C14orf39: variants seen among roughly 807,000 people sequenced by gnomAD.
The protein encoded by C14orf39 is chromosome 14 open reading frame 39, also known as protein SIX6OS1.
A neutral mutation model predicts 85.6 loss-of-function variants in C14orf39; 66 were observed. That is an observed-to-expected ratio of 0.77 (90% CI 0.63 to 0.95). The LOEUF is 0.95. Among genes scored for constraint, C14orf39 ranks in the 40% least tolerant of loss-of-function variants. C14orf39 has a pLI of 0.00. For missense variants in C14orf39, 735 were observed against 663.9 expected (o/e 1.11, Z -1.18); for synonymous variants, 242 against 214.0 (o/e 1.13, Z -1.14).
At chr14:60,482,065 A>G (rs1892665029) in intron 4 of C14orf39, among the ~76,000 whole-genome samples, 1 of 152,198 alleles carries the variant, frequency 6.6e-6, no homozygotes, top group Non-Finnish European at 1.5e-5. Flanking sequence ...TTCACATTTA[A>G]ATCTCATAAC....
chr14:60,462,863 C>G (rs1048046562), intron 11 of C14orf39, among the ~76,000 whole-genome samples: 1 of 152,006 alleles, frequency 6.6e-6, no homozygotes, highest in Non-Finnish European at 1.5e-5. Context: ...TACAATTCTT[C>G]TTTTTCCAGT....
At chr14:60,500,628 G>C (rs1442730954) in intron 1 of C14orf39, among the ~76,000 whole-genome samples, 1 of 152,056 alleles carries the variant, frequency 6.6e-6, no homozygotes, top group East Asian at 1.9e-4. Flanking sequence ...CAAGAAAAAT[G>C]TTCACGAAAT....
At chr14:60,472,199 G>A (rs1421079340) in intron 5 of C14orf39, among the ~76,000 whole-genome samples, 2 of 151,130 alleles carry the variant, frequency 1.3e-5, no homozygotes, top group Non-Finnish European at 2.9e-5. Context: ...ATTTTCATTA[G>A]CTAAAATTAT....
In C14orf39 at chr14:60,515,218, G is replaced by A. The variant is rs1207699956; in HGVS notation, c.-144+177C>T. ...GCTGGGAAATGGCGGCTGGAGCGGC[G>A]GGCGCGTGGGTCCCCTCGGGGAGGC... On this transcript the variant is annotated intron_variant, in intron 1 of 5. Coordinates refer to the C14orf39 transcript ENST00000556799. The surrounding 1 kb of genome is among the most constrained non-coding windows in gnomAD (Gnocchi z 6.2). 6.6e-6 allele frequency: 1 copy of A among 151,522 alleles called. No homozygotes were observed. The highest frequency in any genetic ancestry group is 2.4e-5 in the African/African-American group (1 of 41,386). The allele number at this position is 151,522 out of a possible 1,614,324, so 9.4% of individuals were successfully genotyped here. A position where few individuals can be genotyped will look rare whatever the true frequency, so the allele number is the denominator to read the frequency against.
chr14:60,443,250 G>A (rs948655725), intron 16 of C14orf39, among the ~76,000 whole-genome samples: 3 of 152,314 alleles, frequency 2.0e-5, no homozygotes, highest in Admixed American at 2.0e-4. Context: ...ATGGGGTTGG[G>A]GGATTTCCCT....
intron 1 of C14orf39, chr14:60,509,516 GC>G: frequency 1.2e-6 from 2 of 1,606,298 alleles, no homozygotes; most frequent in Non-Finnish European, 8.5e-7. Flanking sequence ...GCTGCCCGTG[GC>G]CCCTGCGGCC....
At chr14:60,457,173 A>G in intron 14 of C14orf39, 78 bp from the exon 15 acceptor site, 1 of 868,846 alleles carries the variant, frequency 1.2e-6, no homozygotes, top group South Asian at 2.6e-5. Flanking sequence ...CATGAGGTGG[A>G]AAATACCTTA....
At chr14:60,455,490 C>A (rs1198009267) in intron 15 of C14orf39, among the ~76,000 whole-genome samples, 1 of 152,026 alleles carries the variant, frequency 6.6e-6, no homozygotes, top group Non-Finnish European at 1.5e-5. Flanking sequence ...ATGCAGCAAT[C>A]ACGATTCAAA....
intron 17 of C14orf39, among the ~76,000 whole-genome samples, chr14:60,437,579 C>T (rs541055609): frequency 4.6e-5 from 7 of 151,998 alleles, no homozygotes; most frequent in African/African-American, 1.7e-4. Context: ...GTAAGTATTA[C>T]TCAGGAGAGA....
intron 16 of C14orf39, among the ~76,000 whole-genome samples, chr14:60,443,818 A>T (rs531346797): frequency 4.6e-5 from 7 of 152,274 alleles, no homozygotes; most frequent in African/African-American, 1.7e-4. Context: ...TGGGACAAAG[A>T]TTCCAGAAGA....
In C14orf39 at chr14:60,445,251, A is replaced by G. The variant is rs148743235; in HGVS notation, c.1504-3120T>C. ...AAATGCAAATGGGCTAAATGCCCCA[A>G]TAAAAAGACACAGACTGGAAAATTG... On this transcript the variant is annotated intron_variant, in intron 16 of 17. Transcript: ENST00000321731. Among the ~76,000 whole-genome samples the G allele has an allele frequency of 6.2e-3, 942 of 152,348 alleles. 20 individuals carry two copies. Among genetic ancestry groups the G allele is most frequent in the African/African-American group, 0.021 (889 of 41,572 alleles).
At chr14:60,478,969 CA>C (rs1163366745) in intron 4 of C14orf39, among the ~76,000 whole-genome samples, 1 of 151,798 alleles carries the variant, frequency 6.6e-6, no homozygotes, top group Non-Finnish European at 1.5e-5. Context: ...ATTACCAATA[CA>C]AAAAAATATA....
At chr14:60,440,813 AT>A (rs1890475780) in intron 17 of C14orf39, among the ~76,000 whole-genome samples, 1 of 151,994 alleles carries the variant, frequency 6.6e-6, no homozygotes, top group Non-Finnish European at 1.5e-5. Flanking sequence ...AATTTAACTA[AT>A]TTTCAACGAA....
At chr14:60,508,007 C>T (rs749792377) in intron 1 of C14orf39, among the ~76,000 whole-genome samples, 2 of 152,100 alleles carry the variant, frequency 1.3e-5, no homozygotes, top group African/African-American at 4.8e-5. Flanking sequence ...ATAAAAGTTG[C>T]CAATTCACTC....
rs933651214 is a variant in C14orf39 at position 60,461,412 on chromosome 14, T to C, written c.1059A>G (p.Arg353=). The change falls in exon 13 of 18, where the codon AGA becomes AGG. Residue 353 remains arginine, a splice_region_variant and synonymous_variant. Transcript: ENST00000321731. ...ITSSQKFMQV[R]LLTPQKQSNS... is the part of the protein sequence containing the mutation. Reference sequence around the variant, plus strand: ...TTGATTGTTTCTGTGGGGTTAACAATCTAAAATGGAATAAATATAATTTTT... The same window carrying C: ...TTGATTGTTTCTGTGGGGTTAACAACCTAAAATGGAATAAATATAATTTTT... The C allele has an allele frequency of 4.4e-6, 7 of 1,606,910 alleles. No homozygotes were observed. The highest frequency in any genetic ancestry group is 6.0e-6 in the Non-Finnish European group (7 of 1,175,656).
At position 60,509,349 on chromosome 14, in the gene C14orf39, G is replaced by T. The variant is rs780590757; in HGVS notation, c.-144+6046C>A. On this transcript the variant is annotated intron_variant, in intron 1 of 5. Transcript: ENST00000556799. Reference sequence around the variant, plus strand: ...TCAGCCAGGCCCGCGGGCATCTGCTGCGTGTCCCGCTCCGGGCTCAGTGCC... The same window carrying T: ...TCAGCCAGGCCCGCGGGCATCTGCTTCGTGTCCCGCTCCGGGCTCAGTGCC... The T allele has an allele frequency of 1.1e-5, 17 of 1,519,612 alleles. No homozygotes were observed. In the East Asian group the frequency reaches 2.5e-4, roughly 22 times the overall value. The allele number at this position is 1,519,612 out of a possible 1,614,324, so 94.1% of individuals were successfully genotyped here. A position where few individuals can be genotyped will look rare whatever the true frequency, so the allele number is the denominator to read the frequency against.
chr14:60,469,270 T>C (rs115861954), intron 8 of C14orf39, among the ~76,000 whole-genome samples: 2,130 of 149,366 alleles, frequency 0.014, 43 homozygotes, highest in African/African-American at 0.05. Context: ...GCTAAACTAT[T>C]CCCCAAAATA....
intron 17 of C14orf39, among the ~76,000 whole-genome samples, chr14:60,440,176 T>G (rs1890442460): frequency 6.6e-6 from 1 of 152,220 alleles, no homozygotes; most frequent in Non-Finnish European, 1.5e-5. Context: ...TAAATACCAT[T>G]TATAAAAATT....
chr14:60,486,228 G>C (rs1000396210), upstream of C14orf39: 8 of 152,248 alleles, frequency 5.3e-5, no homozygotes, highest in Non-Finnish European at 1.0e-4. Context: ...AATAAGCCCC[G>C]TAAAACCACA....
Sources: gnomAD v4.1 joint callset for allele counts (sites outside exome capture counted in the v4.1 genomes callset) on GRCh38, gnomAD v4.1.1 for gene constraint, Gnocchi (gnomAD v3.1) non-coding constraint, MANE v1.5 for transcripts, NCBI Gene and HGNC (gene_info 2026-07-23, HGNC 2026-07-21) for gene names.